Variants in NT5DC1 observed in about 807,000 individuals in gnomAD.
The protein encoded by NT5DC1 is 5'-nucleotidase domain containing 1, also known as 5'-nucleotidase domain-containing protein 1.
In NT5DC1, 42 loss-of-function variants were observed where a neutral mutation model predicts 59.4. That is an observed-to-expected ratio of 0.71 (90% CI 0.55 to 0.92). NT5DC1 has a LOEUF of 0.92. Ranked by LOEUF, NT5DC1 falls within the 40% of genes least tolerant of loss-of-function variation. The pLI is 0.00. For missense variants in NT5DC1, 501 were observed against 537.1 expected, an observed-to-expected ratio of 0.93 and a Z score of 0.66; for synonymous variants, 172 against 188.1, an observed-to-expected ratio of 0.91 and a Z score of 0.70.
chr6:116,141,759 GT>G (rs556953268), intron 6 of NT5DC1, among the ~76,000 whole-genome samples: 65 of 138,390 alleles, frequency 4.7e-4, no homozygotes, highest in South Asian at 7.0e-4. Flanking sequence ...TTCTTCTTTT[GT>G]TTTTTTTTTT....
rs73774211 is a variant in NT5DC1 at position 116,173,201 on chromosome 6, A to G, written c.530-47853A>G. 5.7e-3 allele frequency among the ~76,000 whole-genome samples: 865 copies of G among 152,340 alleles called. 17 individuals are homozygous for G. Among genetic ancestry groups the G allele is most frequent in the South Asian group, 0.046 (222 of 4,828 alleles). ...ACAGCCCCTGGCAGTGTTCATCTAA[A>G]GTGTAAACTATAACTGTGTCAGTGG... On this transcript the variant is annotated intron_variant, in intron 6 of 11. Transcript: ENST00000319550.
chr6:116,247,288 G>C lies in NT5DC1; in HGVS notation c.*3264G>C, dbSNP rs1771868319. On this transcript the variant is annotated 3_prime_UTR_variant, in exon 12 of 12. Coordinates refer to ENST00000319550, the MANE Select transcript of NT5DC1 (RefSeq NM_152729.3). ...ATTTAGCCAAATATATTAAATATCT[G>C]TAATATAAAACTTACCTAGGAAAGT... The C allele has an allele frequency of 6.6e-6, 1 of 152,102 alleles. No individual in the cohort carries two copies. Among genetic ancestry groups the C allele is most frequent in the Non-Finnish European group, 1.5e-5 (1 of 68,010 alleles). 9.4% of individuals were successfully genotyped at this position (152,102 alleles called of 1,614,324 possible).
rs192646945 is a variant in NT5DC1 at position 116,201,072 on chromosome 6, A to G, written c.530-19982A>G. Among the ~76,000 whole-genome samples, 57 of 152,122 alleles carry G rather than the reference A, an allele frequency of 3.7e-4. No homozygotes were observed. The East Asian group carries it at 8.6e-3, about 23-fold the overall frequency. On this transcript the variant is annotated intron_variant, in intron 6 of 11. Transcript: ENST00000319550. ...TAGGAGTGAAGTACTAACTTGCCCA[A>G]TAGGAGTGAAGTACCAACTTGCCCA...
At chr6:116,243,012 A>C (rs1222165664) in intron 11 of NT5DC1, among the ~76,000 whole-genome samples, 2 of 152,130 alleles carry the variant, frequency 1.3e-5, no homozygotes, top group Non-Finnish European at 2.9e-5. Flanking sequence ...CTTCCCAAGA[A>C]TTGTGCCTCA....
At chr6:116,169,603 G>A (rs1277658043) in intron 6 of NT5DC1, among the ~76,000 whole-genome samples, 1 of 152,124 alleles carries the variant, frequency 6.6e-6, no homozygotes, top group Non-Finnish European at 1.5e-5. Context: ...AGCTCTTTAG[G>A]TATGGGGTAG....
At chr6:116,110,794 G>A (rs1276536612) in intron 3 of NT5DC1, 56 bp from the exon 4 acceptor site, 1 of 1,193,258 alleles carries the variant, frequency 8.4e-7, no homozygotes, top group South Asian at 1.2e-5. Context: ...CAATGATAGA[G>A]GAAGGGGCAT....
chr6:116,232,203 C>T (rs1203820744), intron 8 of NT5DC1, among the ~76,000 whole-genome samples: 1 of 152,046 alleles, frequency 6.6e-6, no homozygotes, highest in African/African-American at 2.4e-5. Flanking sequence ...TAATTTAATC[C>T]AGCCTTTAAA....
chr6:116,145,905 C>T (rs2114380909), intron 6 of NT5DC1, among the ~76,000 whole-genome samples: 1 of 152,276 alleles, frequency 6.6e-6, no homozygotes, highest in East Asian at 1.9e-4. Context: ...GAGCAGCAAA[C>T]ACCTGTTTTG....
rs1771882178 is a variant in NT5DC1, at chr6:116,247,988, A to C, written c.*3964A>C. 6.6e-6 allele frequency: 1 copy of C among 152,196 alleles called. No homozygotes were observed. Among genetic ancestry groups the C allele is most frequent in the African/African-American group, 2.4e-5 (1 of 41,450 alleles). 9.4% of individuals were successfully genotyped at this position (152,196 alleles called of 1,614,324 possible). On this transcript the variant is annotated 3_prime_UTR_variant, in exon 12 of 12. Transcript: ENST00000319550. Reference sequence around the variant, plus strand: ...CATCAAGGTTACATAAGTAAATTCAAATGTGTCAATCTGTAACTGTATGGA... The same window carrying C: ...CATCAAGGTTACATAAGTAAATTCACATGTGTCAATCTGTAACTGTATGGA...
chr6:116,120,501 G>C, intron 6 of NT5DC1: 1 of 1,614,206 alleles, frequency 6.2e-7, no homozygotes, highest in African/African-American at 1.3e-5. Context: ...GCACTAACAA[G>C]AGGGGTCCCA....
intron 6 of NT5DC1, among the ~76,000 whole-genome samples, chr6:116,134,063 T>G (rs1779531060): frequency 6.6e-6 from 1 of 152,350 alleles, no homozygotes; most frequent in African/African-American, 2.4e-5. Flanking sequence ...CTACTTTCTC[T>G]TAATTTTATA....
At position 116,108,359 on chromosome 6, in the gene NT5DC1, T is replaced by C. The variant is rs758726923; in HGVS notation, c.186-5T>C. 6.3e-7 allele frequency: 1 copy of C among 1,582,048 alleles called. No homozygotes were observed. Among genetic ancestry groups the C allele is most frequent in the East Asian group, 2.2e-5 (1 of 44,616 alleles). On this transcript the variant is annotated splice_polypyrimidine_tract_variant and splice_region_variant and intron_variant, in intron 2 of 11. Transcript: ENST00000319550. ...TTGATTAATAATCAAACTTTCCTATTTCAGTTGCAAAGGTTTGGCATTGGA... is the reference window on the plus strand; with the variant it reads ...TTGATTAATAATCAAACTTTCCTATCTCAGTTGCAAAGGTTTGGCATTGGA...
intron 6 of NT5DC1, among the ~76,000 whole-genome samples, chr6:116,180,851 C>A (rs1780858350): frequency 6.6e-6 from 1 of 151,984 alleles, no homozygotes; most frequent in African/African-American, 2.4e-5. Context: ...CAACCAATTG[C>A]AATTTGTGAG....
intron 1 of NT5DC1, among the ~76,000 whole-genome samples, chr6:116,103,606 G>T (rs1452663370): frequency 2.0e-5 from 3 of 152,106 alleles, no homozygotes; most frequent in Non-Finnish European, 4.4e-5. Context: ...AGCAAAAGGT[G>T]GCAAGTTGCA....
At chr6:116,227,318 G>T (rs1781929325) in intron 8 of NT5DC1, among the ~76,000 whole-genome samples, 6 of 152,010 alleles carry the variant, frequency 3.9e-5, no homozygotes, top group Admixed American at 3.9e-4. Flanking sequence ...TCTTGTTAAG[G>T]TCAAATAGTA....
intron 6 of NT5DC1, among the ~76,000 whole-genome samples, chr6:116,172,822 C>A (rs1229421524): frequency 6.6e-6 from 1 of 151,982 alleles, no homozygotes; most frequent in Non-Finnish European, 1.5e-5. Flanking sequence ...TGAAATTTGA[C>A]CTTTAGGAAA....
chr6:116,228,531 T>C (rs541442784), intron 8 of NT5DC1, among the ~76,000 whole-genome samples: 2 of 152,148 alleles, frequency 1.3e-5, no homozygotes, highest in Admixed American at 6.5e-5. Flanking sequence ...AAGAAAAGTT[T>C]AGCTCATTTT....
chr6:116,110,812 A>G, intron 3 of NT5DC1, 38 bp from the exon 4 acceptor site: 1 of 1,370,314 alleles, frequency 7.3e-7, no homozygotes, highest in Non-Finnish European at 1.0e-6. Context: ...CATTCAAGGA[A>G]CCATTAATGA....
intron 6 of NT5DC1, among the ~76,000 whole-genome samples, chr6:116,182,274 T>A (rs888397357): frequency 7.0e-6 from 1 of 143,448 alleles, no homozygotes; most frequent in Admixed American, 7.1e-5. Context: ...TCTTTTTCTT[T>A]ATCCACTCTT....
Sources: gnomAD v4.1 joint callset for allele counts (sites outside exome capture counted in the v4.1 genomes callset) on GRCh38, gnomAD v4.1.1 for gene constraint, MANE v1.5 for transcripts, NCBI Gene and HGNC (gene_info 2026-07-23, HGNC 2026-07-21) for gene names.